GDA: variants seen among roughly 807,000 people sequenced by gnomAD.
GDA encodes guanine deaminase.
Under a neutral mutation model 59.6 loss-of-function variants are expected in GDA, and 18 were observed. The observed-to-expected ratio is 0.30, with a 90% CI of 0.21 to 0.45. The LOEUF is 0.45. GDA is among the 20% of genes least tolerant of loss of function. GDA has a pLI of 1.00. For synonymous variants in GDA, 201 were observed against 201.1 expected, an observed-to-expected ratio of 1.00 and a Z score of 0.00; for missense variants, 427 against 552.3, an observed-to-expected ratio of 0.77 and a Z score of 2.27.
At position 72,250,312 on chromosome 9, in the gene GDA, C is replaced by T. The variant is rs1372269194; in HGVS notation, c.*1970C>T. ...CACTTTTACCTTCTTTAAGGGTGTA[C>T]ATTTTGATGTTGAACATCAGTTTTC... On this transcript the variant is annotated 3_prime_UTR_variant, in exon 14 of 14. Coordinates refer to ENST00000358399, the MANE Select transcript of GDA (RefSeq NM_004293.5). The T allele has an allele frequency of 9.7e-7, 1 of 1,028,108 alleles. No individual in the cohort carries two copies. The allele number at this position is 1,028,108 out of a possible 1,614,324, so 63.7% of individuals were successfully genotyped here.
intron 1 of GDA, among the ~76,000 whole-genome samples, chr9:72,144,163 A>T (rs563315883): frequency 6.6e-6 from 1 of 152,330 alleles, no homozygotes; most frequent in African/African-American, 2.4e-5. Context: ...CAGAGGTTGC[A>T]GTGTGCTGAG....
At chr9:72,226,658 T>C (rs1209634283) in intron 8 of GDA, among the ~76,000 whole-genome samples, 1 of 152,230 alleles carries the variant, frequency 6.6e-6, no homozygotes, top group Admixed American at 6.5e-5. Flanking sequence ...AATGGAGATA[T>C]GAATATAACT....
chr9:72,205,196 A>C (rs527811128), intron 3 of GDA, among the ~76,000 whole-genome samples: 9 of 152,078 alleles, frequency 5.9e-5, no homozygotes, highest in Non-Finnish European at 1.3e-4. Flanking sequence ...TGGGCCCACA[A>C]ACTTTTAAGT....
intron 1 of GDA, among the ~76,000 whole-genome samples, chr9:72,129,923 G>C (rs369354661): frequency 6.6e-6 from 1 of 152,204 alleles, no homozygotes; most frequent in African/African-American, 2.4e-5. Flanking sequence ...TTGCCAACAA[G>C]ATGAGATAAG....
chr9:72,217,602 A>C (rs1836298206), intron 5 of GDA, among the ~76,000 whole-genome samples: 2 of 152,214 alleles, frequency 1.3e-5, no homozygotes, highest in Admixed American at 1.3e-4. Flanking sequence ...TTGCTATAGG[A>C]GTCCTAGGGT....
chr9:72,196,998 C>A (rs1021959403), intron 2 of GDA, among the ~76,000 whole-genome samples: 1 of 152,030 alleles, frequency 6.6e-6, no homozygotes, highest in African/African-American at 2.4e-5. Flanking sequence ...AAATTGGTAC[C>A]ATTTATATTC....
intron 1 of GDA, among the ~76,000 whole-genome samples, chr9:72,142,358 G>A (rs143584656): frequency 3.1e-4 from 47 of 152,254 alleles, no homozygotes; most frequent in African/African-American, 1.0e-3. Flanking sequence ...GCTCATACCT[G>A]TAATCCTAGC....
intron 1 of GDA, among the ~76,000 whole-genome samples, chr9:72,188,831 G>T (rs80225488): frequency 0.026 from 4,028 of 152,282 alleles, 182 homozygotes; most frequent in African/African-American, 0.092. Flanking sequence ...TCCAACCTAT[G>T]AAGCATGGGC....
chr9:72,145,755 C>G (rs1826604732), upstream of GDA, among the ~76,000 whole-genome samples: 1 of 152,254 alleles, frequency 6.6e-6, no homozygotes, highest in East Asian at 1.9e-4. Context: ...AAATTTTTCT[C>G]TATGTCTGAA....
chr9:72,145,603 A>T (rs1297981555), upstream of GDA, among the ~76,000 whole-genome samples: 5 of 152,200 alleles, frequency 3.3e-5, no homozygotes, highest in African/African-American at 1.2e-4. Context: ...TGTCAAAGCT[A>T]ATCATGCTAT....
At chr9:72,181,340 A>G (rs532078170) in intron 1 of GDA, among the ~76,000 whole-genome samples, 8 of 151,042 alleles carry the variant, frequency 5.3e-5, no homozygotes, top group Middle Eastern at 3.4e-3. Context: ...TACTTTCACA[A>G]TTTTTTTTGT....
intron 11 of GDA, 92 bp from the exon 12 acceptor site, chr9:72,245,056 G>T: frequency 8.2e-7 from 1 of 1,216,752 alleles, no homozygotes; most frequent in South Asian, 1.5e-5. Flanking sequence ...TTCTCCTAGC[G>T]ACATGTTGGC....
chr9:72,161,041 G>T (rs1807557190), intron 1 of GDA, among the ~76,000 whole-genome samples: 1 of 151,790 alleles, frequency 6.6e-6, no homozygotes, highest in African/African-American at 2.4e-5. Context: ...CAAGTAGCTG[G>T]GACTACAGGT....
At chr9:72,163,992 TTTG>T (rs1828978488) in intron 1 of GDA, among the ~76,000 whole-genome samples, 1 of 152,132 alleles carries the variant, frequency 6.6e-6, no homozygotes, top group Non-Finnish European at 1.5e-5. Context: ...GAATGACACA[TTTG>T]TTGATTAACT....
chr9:72,252,422 G>A (rs182392092), downstream of GDA, among the ~76,000 whole-genome samples: 4 of 152,240 alleles, frequency 2.6e-5, no homozygotes, highest in Admixed American at 2.6e-4. Flanking sequence ...AAGCTCGAAT[G>A]TTCAGCCTTT....
intron 2 of GDA, among the ~76,000 whole-genome samples, 180 bp downstream of exon 2, chr9:72,195,768 G>A (rs1213322806): frequency 2.0e-5 from 3 of 152,164 alleles, no homozygotes; most frequent in Non-Finnish European, 4.4e-5. Flanking sequence ...GCTGAAGGAT[G>A]GAAACTTAGA....
At chr9:72,220,191 C>A (rs2131551234) in intron 6 of GDA, among the ~76,000 whole-genome samples, 1 of 152,186 alleles carries the variant, frequency 6.6e-6, no homozygotes, top group East Asian at 1.9e-4. Context: ...CCCAGAAAGA[C>A]AATACTGCAT....
chr9:72,119,319 A>G (rs1302978907), intron 1 of GDA, among the ~76,000 whole-genome samples: 1 of 152,208 alleles, frequency 6.6e-6, no homozygotes, highest in East Asian at 1.9e-4. Flanking sequence ...AGCCTGGCCA[A>G]CATGGCAAAA....
intron 3 of GDA, among the ~76,000 whole-genome samples, chr9:72,206,233 A>G (rs1834682305): frequency 6.6e-6 from 1 of 152,090 alleles, no homozygotes; most frequent in African/African-American, 2.4e-5. Flanking sequence ...GAAGTTGTTA[A>G]AAGTCTTGAA....
Sources: gnomAD v4.1 joint callset for allele counts (sites outside exome capture counted in the v4.1 genomes callset) on GRCh38, gnomAD v4.1.1 for gene constraint, MANE v1.5 for transcripts, NCBI Gene and HGNC (gene_info 2026-07-23, HGNC 2026-07-21) for gene names.